Variants in ZFPM2 observed in about 807,000 individuals in gnomAD.
ZFPM2 encodes the protein zinc finger protein, FOG family member 2, also known as zinc finger protein ZFPM2.
Under a neutral mutation model 98.6 loss-of-function variants are expected in ZFPM2, and 20 were observed. The observed-to-expected ratio is 0.20, with a 90% CI of 0.14 to 0.29. ZFPM2 has a LOEUF of 0.29. Among genes scored for constraint, ZFPM2 ranks in the 10% least tolerant of loss-of-function variants. The pLI, the probability that ZFPM2 is intolerant of heterozygous loss-of-function variation, is 1.00. For synonymous variants in ZFPM2, 518 were observed against 502.7 expected, an observed-to-expected ratio of 1.03 and a Z score of -0.41; for missense variants, 1,310 against 1,388.6, an observed-to-expected ratio of 0.94 and a Z score of 0.90.
Position 105,496,982 on chromosome 8 carries a change from C to CAAAA in ZFPM2, c.301+52620_301+52623dup, listed in dbSNP as rs1207276670. 7.9e-4 allele frequency among the ~76,000 whole-genome samples: 25 copies of CAAAA among 31,502 alleles called. 1 individual carries two copies. Among genetic ancestry groups the CAAAA allele is most frequent in the African/African-American group, 2.3e-3 (24 of 10,662 alleles). The allele number at this position is 31,502 out of a possible 152,430, so 20.7% of individuals were successfully genotyped here. On this transcript the variant is annotated intron_variant, in intron 3 of 7. Transcript: ENST00000407775. The stretch of plus-strand genomic sequence containing the variant: ...GGGCAACAAGAGTGAAACTCCGTCT[C>CAAAA]AAAAAAAAAAAAAAAAAAAAAAGAG...
intron 2 of ZFPM2, among the ~76,000 whole-genome samples, chr8:105,439,407 T>A (rs769340728): frequency 6.6e-6 from 1 of 152,174 alleles, no homozygotes; most frequent in Non-Finnish European, 1.5e-5. Context: ...ATTAGGAGAC[T>A]CAAATTTAAT....
intron 5 of ZFPM2, among the ~76,000 whole-genome samples, chr8:105,704,765 A>T (rs543183243): frequency 6.6e-6 from 1 of 152,226 alleles, no homozygotes; most frequent in Non-Finnish European, 1.5e-5. Context: ...CATAAGGGAA[A>T]GTGGACTACA....
chr8:105,500,590 C>A (rs765381983), intron 3 of ZFPM2, among the ~76,000 whole-genome samples: 1 of 151,756 alleles, frequency 6.6e-6, no homozygotes, highest in African/African-American at 2.4e-5. Context: ...AGAGACAGAA[C>A]GTTAGGTTTT....
At chr8:105,630,065 A>G (rs1816728560) in intron 4 of ZFPM2, among the ~76,000 whole-genome samples, 1 of 152,154 alleles carries the variant, frequency 6.6e-6, no homozygotes, top group Non-Finnish European at 1.5e-5. Context: ...TGCCTACCAC[A>G]CCTTTTATAT....
chr8:105,749,687 A>G (rs1338505944), intron 5 of ZFPM2, among the ~76,000 whole-genome samples: 1 of 151,982 alleles, frequency 6.6e-6, no homozygotes, highest in Non-Finnish European at 1.5e-5. Context: ...GAAGAGAGTA[A>G]GATAAAAGAA....
chr8:105,626,664 G>A (rs891491781), intron 4 of ZFPM2, among the ~76,000 whole-genome samples: 12 of 151,986 alleles, frequency 7.9e-5, no homozygotes, highest in African/African-American at 2.9e-4. Flanking sequence ...AATGTCTATA[G>A]TAATTTTAAA....
At chr8:105,533,707 C>G (rs1188002568) in intron 3 of ZFPM2, among the ~76,000 whole-genome samples, 5 of 131,466 alleles carry the variant, frequency 3.8e-5, no homozygotes, top group Non-Finnish European at 6.7e-5. Context: ...CCCTCCCTCC[C>G]TCCTTACTTT....
chr8:105,565,033 A>G (rs553112415), intron 4 of ZFPM2, among the ~76,000 whole-genome samples: 3 of 152,272 alleles, frequency 2.0e-5, no homozygotes, highest in South Asian at 4.1e-4. Context: ...TTATTCGCCA[A>G]CTGATGTAAT....
rs1212702589 is a variant in ZFPM2, at chr8:105,762,008, C to T, written c.533-26710C>T. On this transcript the variant is annotated intron_variant, in intron 5 of 7. Transcript: ENST00000407775. ...TTTTGTACTGCTCTTTCCCATAAAA[C>T]ATATATGTATTATATATGTTAATTC... Among the ~76,000 whole-genome samples, 9 of 151,838 alleles carry T rather than the reference C, an allele frequency of 5.9e-5. No individual in the cohort carries two copies. In the South Asian group the frequency reaches 1.9e-3, roughly 32 times the overall value.
At chr8:105,718,289 A>C (rs1811572655) in intron 5 of ZFPM2, among the ~76,000 whole-genome samples, 1 of 151,856 alleles carries the variant, frequency 6.6e-6, no homozygotes, top group Non-Finnish European at 1.5e-5. Flanking sequence ...AGAACAGGGG[A>C]ATCAATTCCA....
At chr8:105,710,030 A>G (rs1208078403) in intron 5 of ZFPM2, among the ~76,000 whole-genome samples, 2 of 151,712 alleles carry the variant, frequency 1.3e-5, no homozygotes, top group African/African-American at 4.8e-5. Context: ...GTCAGCTTTA[A>G]CAGAATTACA....
At chr8:105,722,448 A>G (rs1450017586) in intron 5 of ZFPM2, among the ~76,000 whole-genome samples, 10 of 151,914 alleles carry the variant, frequency 6.6e-5, no homozygotes, top group African/African-American at 1.7e-4. Context: ...AACTCCACAT[A>G]TAACTTCTGT....
chr8:105,395,744 T>C (rs1430544234), intron 1 of ZFPM2, among the ~76,000 whole-genome samples: 1 of 152,236 alleles, frequency 6.6e-6, no homozygotes, highest in Non-Finnish European at 1.5e-5. Flanking sequence ...TGGACACACG[T>C]AATTTATAAC....
At chr8:105,713,940 G>A (rs1274742847) in intron 5 of ZFPM2, among the ~76,000 whole-genome samples, 1 of 151,894 alleles carries the variant, frequency 6.6e-6, no homozygotes, top group African/African-American at 2.4e-5. Flanking sequence ...GGCTACTTGG[G>A]CTCCTTTTTG....
chr8:105,478,961 C>T lies in ZFPM2; in HGVS notation c.301+34580C>T, dbSNP rs149064396. On this transcript the variant is annotated intron_variant, in intron 3 of 7. Coordinates refer to ENST00000407775, the MANE Select transcript of ZFPM2 (RefSeq NM_012082.4). ...AATAAAGAAGGGACCAAAGATAATA[C>T]ATGAATTTTTATTTATTTTCTGGTT... 8.4e-3 allele frequency among the ~76,000 whole-genome samples: 1,274 copies of T among 152,268 alleles called. 18 individuals carry two copies. Among genetic ancestry groups the T allele is most frequent in the African/African-American group, 0.028 (1,176 of 41,556 alleles).
intron 3 of ZFPM2, among the ~76,000 whole-genome samples, chr8:105,482,493 T>A (rs1251837482): frequency 1.3e-5 from 2 of 152,202 alleles, no homozygotes; most frequent in South Asian, 2.1e-4. Flanking sequence ...ATACATTTTT[T>A]AATTCTTTTT....
intron 3 of ZFPM2, among the ~76,000 whole-genome samples, chr8:105,510,934 G>A (rs899935158): frequency 1.2e-4 from 18 of 152,124 alleles, no homozygotes; most frequent in African/African-American, 4.1e-4. Flanking sequence ...CCTTTTCTTC[G>A]GGTTTCACAT....
At chr8:105,708,428 A>G (rs12676698) in intron 5 of ZFPM2, among the ~76,000 whole-genome samples, 50,241 of 151,240 alleles carry the variant, frequency 0.33, 8,875 homozygotes, top group East Asian at 0.64. Context: ...TTTCGTTGCC[A>G]TTGTTTGTTT....
chr8:105,341,050 C>T (rs961152959), intron 1 of ZFPM2, among the ~76,000 whole-genome samples: 2 of 151,872 alleles, frequency 1.3e-5, no homozygotes, highest in African/African-American at 4.8e-5. Context: ...TACCCCATCC[C>T]CTAATGGCCC....
Sources: allele counts gnomAD v4.1 joint callset (sites outside exome capture counted in the v4.1 genomes callset), GRCh38; gene constraint gnomAD v4.1.1; transcripts MANE v1.5; gene names NCBI Gene and HGNC (gene_info 2026-07-23, HGNC 2026-07-21).